Variants in PPP1R21 observed in about 807,000 individuals in gnomAD.
The protein encoded by PPP1R21 is protein phosphatase 1 regulatory subunit 21, also known as KLRAQ motif containing 1.
PPP1R21 carries 85 observed loss-of-function variants against 112.8 expected under a neutral mutation model. The ratio of observed to expected loss-of-function variants is 0.75; its 90% CI spans 0.63 to 0.90. The LOEUF is 0.90. Among genes scored for constraint, PPP1R21 ranks in the 40% least tolerant of loss-of-function variants. PPP1R21 has a pLI of 0.00. For synonymous variants in PPP1R21, 381 were observed against 322.3 expected (o/e 1.18, Z -1.95); for missense variants, 1,199 against 901.5 (o/e 1.33, Z -4.23).
chr2:48,455,392 C>G (rs1306569321), intron 3 of PPP1R21, among the ~76,000 whole-genome samples: 1 of 151,656 alleles, frequency 6.6e-6, no homozygotes, highest in Non-Finnish European at 1.5e-5. Context: ...GTCTGCTCGC[C>G]TCAGCCTCCC....
chr2:48,503,958 A>AG (rs1204694760), intron 17 of PPP1R21, among the ~76,000 whole-genome samples: 2 of 151,284 alleles, frequency 1.3e-5, no homozygotes, highest in African/African-American at 4.9e-5. Context: ...GTCTCAAAAA[A>AG]AAAAAAAAAA....
At chr2:48,441,855 CTT>C (rs1667045040) in intron 1 of PPP1R21, among the ~76,000 whole-genome samples, 1 of 152,184 alleles carries the variant, frequency 6.6e-6, no homozygotes, top group African/African-American at 2.4e-5. Context: ...TTTTCAGTGA[CTT>C]TGGCATTCAT....
In PPP1R21 at chr2:48,505,276, C is replaced by T. The variant is rs533698206; in HGVS notation, c.1936-288C>T. 2.0e-5 allele frequency among the ~76,000 whole-genome samples: 3 copies of T among 152,290 alleles called. No individual in the cohort carries two copies. In the East Asian group the frequency reaches 5.8e-4, roughly 29 times the overall value. On this transcript the variant is annotated intron_variant, in intron 17 of 21. Coordinates refer to ENST00000294952, the MANE Select transcript of PPP1R21 (RefSeq NM_001135629.3). ...TGGCAAGTTGTGGTTAAAAGCTGAT[C>T]TTCTCTTCTCTCCTAGATGATTTGT...
intron 13 of PPP1R21, among the ~76,000 whole-genome samples, chr2:48,482,434 T>C (rs1464596426): frequency 6.6e-6 from 1 of 152,202 alleles, no homozygotes; most frequent in African/African-American, 2.4e-5. Flanking sequence ...GAGGGAAAAG[T>C]ACATGTGCTC....
At chr2:48,464,045 G>A (rs909768463) in intron 7 of PPP1R21, among the ~76,000 whole-genome samples, 14 of 152,152 alleles carry the variant, frequency 9.2e-5, no homozygotes, top group Non-Finnish European at 1.8e-4. Context: ...CTGGAGTTAG[G>A]CAGAGTAAAT....
chr2:48,481,953 A>C (rs1041071932), intron 13 of PPP1R21, among the ~76,000 whole-genome samples: 1 of 152,212 alleles, frequency 6.6e-6, no homozygotes, highest in Non-Finnish European at 1.5e-5. Context: ...CCTTCAGGCT[A>C]TATGTATAAG....
intron 19 of PPP1R21, among the ~76,000 whole-genome samples, chr2:48,509,656 G>T (rs1041680670): frequency 4.6e-5 from 7 of 151,972 alleles, no homozygotes; most frequent in Admixed American, 4.6e-4. Context: ...AGTGAGCCAA[G>T]ATCATGCCAC....
At chr2:48,497,919 G>C (rs1387017524) in intron 16 of PPP1R21, among the ~76,000 whole-genome samples, 1 of 151,810 alleles carries the variant, frequency 6.6e-6, no homozygotes, top group Non-Finnish European at 1.5e-5. Flanking sequence ...CTAAAGTGCT[G>C]GGATTACAGT....
intron 7 of PPP1R21, among the ~76,000 whole-genome samples, chr2:48,462,769 A>G (rs76360274): frequency 0.019 from 2,960 of 152,270 alleles, 82 homozygotes; most frequent in African/African-American, 0.065. Flanking sequence ...ATGTTGCTAT[A>G]TGTGTACTCA....
At chr2:48,488,630 A>G (rs1669420175) in intron 14 of PPP1R21, among the ~76,000 whole-genome samples, 1 of 152,168 alleles carries the variant, frequency 6.6e-6, no homozygotes, top group South Asian at 2.1e-4. Context: ...ATACTTGCAT[A>G]CGTCATAGTT....
intron 14 of PPP1R21, among the ~76,000 whole-genome samples, chr2:48,488,043 A>G (rs1330124602): frequency 6.6e-6 from 1 of 152,184 alleles, no homozygotes; most frequent in Non-Finnish European, 1.5e-5. Flanking sequence ...AGGAACAAAT[A>G]TTCTTCAAGT....
intron 2 of PPP1R21, among the ~76,000 whole-genome samples, chr2:48,451,951 C>A (rs1667493808): frequency 6.6e-6 from 1 of 152,204 alleles, no homozygotes; most frequent in Non-Finnish European, 1.5e-5. Flanking sequence ...AAATCTGTCT[C>A]TGAGTGTCTC....
chr2:48,455,740 C>T (rs1257252992), intron 3 of PPP1R21, among the ~76,000 whole-genome samples: 5 of 152,036 alleles, frequency 3.3e-5, no homozygotes, highest in South Asian at 2.1e-4. Flanking sequence ...AGCGGCCGGG[C>T]GCGGTGGCTC....
intron 7 of PPP1R21, among the ~76,000 whole-genome samples, chr2:48,463,314 C>T (rs1169145742): frequency 6.6e-6 from 1 of 152,092 alleles, no homozygotes; most frequent in Non-Finnish European, 1.5e-5. Flanking sequence ...GGAGTTTCAA[C>T]CTGATGGTGC....
intron 17 of PPP1R21, among the ~76,000 whole-genome samples, chr2:48,502,406 G>T (rs941867541): frequency 6.6e-6 from 1 of 152,084 alleles, no homozygotes; most frequent in Non-Finnish European, 1.5e-5. Context: ...GAAATAAAAA[G>T]AGATGGAGTT....
At position 48,511,400 on chromosome 2, in the gene PPP1R21, C is replaced by T. The variant is rs1298348177; in HGVS notation, c.2245C>T (p.Leu749=). Reference sequence around the variant, plus strand: ...TCAGTTAAGTATGATGAGTGACCACCTGTGCAGCATGAATGAGACATTATC... The same window carrying T: ...TCAGTTAAGTATGATGAGTGACCACTTGTGCAGCATGAATGAGACATTATC... ...EDQLSMMSDH[L]CSMNETLSKQ... The change falls in exon 21 of 22, where the codon CTG becomes TTG. Residue 749 remains leucine (L), a synonymous_variant. Coordinates refer to ENST00000294952, the MANE Select transcript of PPP1R21 (RefSeq NM_001135629.3). 9 of 1,613,822 alleles carry T rather than the reference C, an allele frequency of 5.6e-6. No homozygotes were observed. Among genetic ancestry groups the T allele is most frequent in the Non-Finnish European group, 7.6e-6 (9 of 1,179,902 alleles).
chr2:48,484,831 A>G (rs1669205577), intron 13 of PPP1R21, among the ~76,000 whole-genome samples: 1 of 152,190 alleles, frequency 6.6e-6, no homozygotes, highest in Non-Finnish European at 1.5e-5. Context: ...AAACATTTTG[A>G]TTGTGAGAAT....
intron 21 of PPP1R21, among the ~76,000 whole-genome samples, chr2:48,513,776 T>C (rs961450688): frequency 1.3e-5 from 2 of 152,196 alleles, no homozygotes; most frequent in African/African-American, 4.8e-5. Context: ...ATTTCTTCCA[T>C]GAAGAAAATG....
intron 9 of PPP1R21, among the ~76,000 whole-genome samples, chr2:48,469,487 G>GAATA (rs1668393447): frequency 2.0e-4 from 7 of 35,548 alleles, no homozygotes; most frequent in African/African-American, 7.6e-4. Context: ...TATATATAGA[G>GAATA]CATATATATA....
Sources: allele counts gnomAD v4.1 joint callset (sites outside exome capture counted in the v4.1 genomes callset), GRCh38; gene constraint gnomAD v4.1.1; transcripts MANE v1.5; gene names NCBI Gene and HGNC (gene_info 2026-07-23, HGNC 2026-07-21).